SF1: variants seen among roughly 807,000 people sequenced by gnomAD.
SF1 encodes splicing factor 1.
Under a neutral mutation model 62.5 loss-of-function variants are expected in SF1, and 7 were observed. The observed-to-expected ratio is 0.11, with a 90% CI of 0.06 to 0.21. The LOEUF is 0.21. SF1 is among the 10% of genes least tolerant of loss of function. The probability of loss-of-function intolerance (pLI) is 1.00; values close to 1 mark genes in which losing one functional copy is unlikely to be tolerated. For synonymous variants in SF1, 394 were observed against 323.6 expected (o/e 1.22, Z -2.33); for missense variants, 578 against 884.0 (o/e 0.65, Z 4.39).
Position 64,778,168 on chromosome 11 carries a change from C to A in SF1, c.31+194G>T. 3 of 858,842 alleles carry A rather than the reference C, an allele frequency of 3.5e-6. 1 individual carries two copies. Among genetic ancestry groups the A allele is most frequent in the East Asian group, 1.2e-4 (2 of 17,188 alleles). The allele number at this position is 858,842 out of a possible 1,614,324, so 53.2% of individuals were successfully genotyped here. ...GCGGCTGCTGGGGAGGCGGAGGGGG[C>A]GGCGGCGGAGGCGGCGGAGGCAGCG... On this transcript the variant is annotated intron_variant, in intron 1 of 12. Coordinates refer to ENST00000377390, the MANE Select transcript of SF1 (RefSeq NM_004630.4).
chr11:64,770,146 T>C, intron 4 of SF1, 93 bp from the exon 5 acceptor site: 1 of 1,548,174 alleles, frequency 6.5e-7, no homozygotes, highest in Non-Finnish European at 8.9e-7. Context: ...AAGTGCTAAT[T>C]ATGGGTGACT....
intron 2 of SF1, 88 bp from the exon 3 acceptor site, chr11:64,773,593 G>A: frequency 7.0e-7 from 1 of 1,432,990 alleles, no homozygotes; most frequent in East Asian, 2.4e-5. Context: ...CAACAAGCAT[G>A]AAGAACTCGG....
intron 3 of SF1, among the ~76,000 whole-genome samples, chr11:64,770,861 T>C (rs1938205782): frequency 6.6e-6 from 1 of 152,206 alleles, no homozygotes. Context: ...AAAGCTTCTG[T>C]ACCCCTAACA....
At chr11:64,771,234 G>C (rs1358546011) in intron 3 of SF1, among the ~76,000 whole-genome samples, 2 of 152,114 alleles carry the variant, frequency 1.3e-5, no homozygotes, top group African/African-American at 4.8e-5. Flanking sequence ...GGAGTAAAAT[G>C]CTGTTGCTAC....
At chr11:64,777,886 G>A (rs1939610188) in intron 1 of SF1, 1 of 938,338 alleles carries the variant, frequency 1.1e-6, no homozygotes, top group Non-Finnish European at 1.3e-6. Flanking sequence ...GCGCGCACGC[G>A]CGCCCCTGCC....
chr11:64,774,296 C>T (rs1045895713), intron 2 of SF1, among the ~76,000 whole-genome samples: 1 of 152,202 alleles, frequency 6.6e-6, no homozygotes, highest in Non-Finnish European at 1.5e-5. Context: ...GGACAATGTA[C>T]TTGGCCCTCG....
intron 1 of SF1, chr11:64,777,989 C>T (rs978927389): frequency 1.0e-6 from 1 of 996,402 alleles, no homozygotes; most frequent in African/African-American, 1.8e-5. Context: ...CGACTCACCT[C>T]CTCCGCCGCC....
intron 3 of SF1, chr11:64,771,841 C>G (rs577161996): frequency 1.0e-6 from 1 of 985,334 alleles, no homozygotes; most frequent in African/African-American, 1.7e-5. Context: ...ATTAAGAAAA[C>G]CCATGCATTT....
At chr11:64,775,366 T>C (rs142223052) in intron 2 of SF1, among the ~76,000 whole-genome samples, 18 of 152,332 alleles carry the variant, frequency 1.2e-4, no homozygotes, top group African/African-American at 3.6e-4. Flanking sequence ...TCTTGGGATA[T>C]CACTCCACTA....
In SF1 at chr11:64,778,224, C is replaced by T. The variant is rs1939726012; in HGVS notation, c.31+138G>A. 15 of 1,171,882 alleles carry T rather than the reference C, an allele frequency of 1.3e-5. No homozygotes were observed. Among genetic ancestry groups the T allele is most frequent in the Non-Finnish European group, 1.6e-5 (15 of 942,256 alleles). The allele number at this position is 1,171,882 out of a possible 1,614,324, so 72.6% of individuals were successfully genotyped here. A position where few individuals can be genotyped will look rare whatever the true frequency, so the allele number is the denominator to read the frequency against. On this transcript the variant is annotated intron_variant, in intron 1 of 12. Transcript: ENST00000377390. ...AAGGGGAAGGCCGCGGTCAGGGCCC[C>T]CATCGAGCCCACGGGCGGGGGCGGC...
Position 64,766,139 on chromosome 11 carries a change from G to A in SF1, c.1599C>T (p.Thr533=). The A allele has an allele frequency of 2.5e-6, 4 of 1,606,696 alleles. No homozygotes were observed. Among genetic ancestry groups the A allele is most frequent in the Non-Finnish European group, 2.5e-6 (3 of 1,179,694 alleles). ...GGATGGACCCTGTGCCAGCGCTCGT[G>A]GTGGTAGTCGTCGTATCTGGGGTGG... is the stretch of plus-strand genomic sequence containing the variant. ...LPWQQNTTTT[T]TSAGTGSIPP... Residue 533 remains threonine (T), a synonymous_variant, in exon 13 of 13, where the codon ACC becomes ACT. Transcript: ENST00000377390.
chr11:64,766,453 C>T (rs1298443326), intron 12 of SF1: 10 of 494,876 alleles, frequency 2.0e-5, no homozygotes, highest in Non-Finnish European at 3.6e-5. Flanking sequence ...CGCCCAGCCG[C>T]CGCCACCACC....
intron 1 of SF1, 194 bp downstream of exon 1, chr11:64,778,168 C>T: frequency 7.0e-6 from 6 of 858,836 alleles, no homozygotes; most frequent in Non-Finnish European, 8.8e-6. Context: ...GCGGAGGGGG[C>T]GGCGGCGGAG....
At position 64,773,624 on chromosome 11, in the gene SF1, G is replaced by A. The variant is rs531618705; in HGVS notation, c.161-119C>T. On this transcript the variant is annotated intron_variant, in intron 2 of 12. Transcript: ENST00000377390. ...CTCGGAGACTTTGAAAGGGACGACT[G>A]ATCAGTGAACACATTGAAGCAAAAA... The A allele has an allele frequency of 5.1e-6, 6 of 1,175,710 alleles. No individual in the cohort carries two copies. The East Asian group carries it at 1.6e-4, about 31-fold the overall frequency. 72.8% of individuals were successfully genotyped at this position (1,175,710 alleles called of 1,614,324 possible).
intron 5 of SF1, 111 bp downstream of exon 5, chr11:64,769,853 G>C (rs1938015572): frequency 3.4e-6 from 3 of 870,852 alleles, no homozygotes; most frequent in Non-Finnish European, 5.4e-6. Context: ...AAAATGAAAT[G>C]TCCTACCAAA....
intron 8 of SF1, 74 bp from the exon 9 acceptor site, chr11:64,768,360 C>A: frequency 7.1e-7 from 1 of 1,406,532 alleles, no homozygotes; most frequent in East Asian, 2.3e-5. Context: ...TCCTGAGGAA[C>A]CAACATATGG....
intron 12 of SF1, 118 bp downstream of exon 12, chr11:64,766,782 C>G (rs923212614): frequency 7.7e-5 from 60 of 782,726 alleles, no homozygotes; most frequent in Non-Finnish European, 1.1e-4. Context: ...TGTTTACAAC[C>G]CCAGCAGAGC....
intron 1 of SF1, chr11:64,777,870 C>T: frequency 1.1e-6 from 1 of 937,278 alleles, no homozygotes; most frequent in Non-Finnish European, 1.3e-6. Flanking sequence ...GCCCGGGCCT[C>T]CCCGTGCGCG....
rs1025753242 is a variant in SF1 at position 64,765,331 on chromosome 11, T to C, written c.*487A>G. ...AAGTAACAAAGGAAAAAGAAAAAAA[T>C]TAATAAAAATTTCACGATATGGAGC... On this transcript the variant is annotated 3_prime_UTR_variant, in exon 13 of 13. Coordinates refer to ENST00000377390, the MANE Select transcript of SF1 (RefSeq NM_004630.4). 5.8e-6 allele frequency: 4 copies of C among 688,134 alleles called. No homozygotes were observed. Among genetic ancestry groups the C allele is most frequent in the Non-Finnish European group, 1.0e-5 (4 of 391,956 alleles). 42.6% of individuals were successfully genotyped at this position (688,134 alleles called of 1,614,324 possible). A position where few individuals can be genotyped will look rare whatever the true frequency, so the allele number is the denominator to read the frequency against.
Sources: allele counts gnomAD v4.1 joint callset (sites outside exome capture counted in the v4.1 genomes callset), GRCh38; gene constraint gnomAD v4.1.1; transcripts MANE v1.5; gene names NCBI Gene and HGNC (gene_info 2026-07-23, HGNC 2026-07-21).